UBAC2: variants seen among roughly 807,000 people sequenced by gnomAD.
The protein encoded by UBAC2 is ubiquitin-associated domain-containing protein 2.
A neutral mutation model predicts 44.0 loss-of-function variants in UBAC2; 26 were observed. The ratio of observed to expected loss-of-function variants is 0.59; its 90% CI spans 0.43 to 0.82. The LOEUF (loss-of-function observed/expected upper bound fraction) is 0.82. UBAC2 is among the 40% of genes least tolerant of loss of function. UBAC2 has a pLI of 0.00. For synonymous variants in UBAC2, 155 were observed against 154.3 expected, an observed-to-expected ratio of 1.00 and a Z score of -0.04; for missense variants, 329 against 419.4, an observed-to-expected ratio of 0.78 and a Z score of 1.88.
intron 5 of UBAC2, among the ~76,000 whole-genome samples, chr13:99,316,863 G>A (rs551068997): frequency 2.4e-4 from 37 of 152,268 alleles, no homozygotes; most frequent in South Asian, 4.2e-4. Flanking sequence ...TTAACCACTC[G>A]GTTTTACTGA....
intron 7 of UBAC2, among the ~76,000 whole-genome samples, chr13:99,346,329 C>T (rs929151938): frequency 3.9e-5 from 6 of 152,186 alleles, no homozygotes; most frequent in African/African-American, 1.2e-4. Flanking sequence ...TGAGCCTGCC[C>T]CACAGCCTCC....
intron 8 of UBAC2, among the ~76,000 whole-genome samples, chr13:99,381,709 GAC>G (rs2045554289): frequency 1.3e-5 from 2 of 152,170 alleles, no homozygotes; most frequent in Admixed American, 1.3e-4. Context: ...CCTTCCACAT[GAC>G]ACATATCCAG....
intron 4 of UBAC2, chr13:99,256,538 C>T (rs1011235494): frequency 4.6e-5 from 7 of 152,122 alleles, no homozygotes; most frequent in African/African-American, 1.4e-4. Flanking sequence ...AAGCTAGTGC[C>T]GTTAGTAACT....
At chr13:99,240,594 G>A (rs761257236) in intron 2 of UBAC2, among the ~76,000 whole-genome samples, 1 of 152,042 alleles carries the variant, frequency 6.6e-6, no homozygotes, top group Non-Finnish European at 1.5e-5. Context: ...CATCATCATC[G>A]GACATTGGTA....
chr13:99,280,765 T>C (rs1229552981), intron 4 of UBAC2, among the ~76,000 whole-genome samples: 3 of 152,146 alleles, frequency 2.0e-5, no homozygotes, highest in Non-Finnish European at 4.4e-5. Flanking sequence ...CACTAAATTA[T>C]TGTGTCTCTG....
intron 4 of UBAC2, among the ~76,000 whole-genome samples, chr13:99,308,468 G>A (rs756455854): frequency 6.6e-6 from 1 of 152,106 alleles, no homozygotes; most frequent in Non-Finnish European, 1.5e-5. Flanking sequence ...CATAGCTTTT[G>A]GATCAAAAGA....
chr13:99,320,659 G>C, intron 6 of UBAC2, among the ~76,000 whole-genome samples: 1 of 152,038 alleles, frequency 6.6e-6, no homozygotes, highest in East Asian at 1.9e-4. Flanking sequence ...AAATGTTGGT[G>C]CTTGTTTTGA....
chr13:99,373,396 C>G (rs1305543917), intron 8 of UBAC2, among the ~76,000 whole-genome samples: 1 of 152,124 alleles, frequency 6.6e-6, no homozygotes, highest in Non-Finnish European at 1.5e-5. Context: ...TGGGATTTAA[C>G]AAAAGGAAGA....
intron 4 of UBAC2, among the ~76,000 whole-genome samples, chr13:99,312,072 G>T (rs1047616568): frequency 3.9e-5 from 6 of 152,252 alleles, no homozygotes; most frequent in Non-Finnish European, 7.3e-5. Flanking sequence ...CGTTTGTGTT[G>T]ATAGCAGTTG....
chr13:99,351,928 C>A (rs2045098104), intron 7 of UBAC2: 4 of 357,470 alleles, frequency 1.1e-5, no homozygotes, highest in South Asian at 8.4e-5. Context: ...GCGATACTCA[C>A]ACGTGCTTTC....
chr13:99,355,877 T>C (rs534790317), intron 7 of UBAC2, among the ~76,000 whole-genome samples: 1 of 152,286 alleles, frequency 6.6e-6, no homozygotes, highest in African/African-American at 2.4e-5. Flanking sequence ...GCCATGTGCA[T>C]CCCATGGCTC....
At chr13:99,239,813 C>G (rs2043279793) in intron 2 of UBAC2, among the ~76,000 whole-genome samples, 2 of 152,178 alleles carry the variant, frequency 1.3e-5, no homozygotes, top group Non-Finnish European at 1.5e-5. Context: ...CTTGGGAAAT[C>G]TAAACACACG....
chr13:99,343,618 G>A (rs142687799), intron 7 of UBAC2, among the ~76,000 whole-genome samples: 7 of 152,338 alleles, frequency 4.6e-5, no homozygotes, highest in African/African-American at 7.2e-5. Flanking sequence ...GGGCTTTTAC[G>A]TTGAGTGGTC....
Position 99,233,647 on chromosome 13 carries a change from T to C in UBAC2, c.32-4780T>C, listed in dbSNP as rs962519175. ...AAAGAATGCAACTGATTGTGACACA[T>C]TGACTAAGTAAAAATCCATGAGTGT... On this transcript the variant is annotated intron_variant, in intron 1 of 8. Transcript: ENST00000403766. Among the ~76,000 whole-genome samples, 20 of 152,028 alleles carry C rather than the reference T, an allele frequency of 1.3e-4. 1 individual carries two copies. The highest frequency in any genetic ancestry group is 4.3e-4 in the African/African-American group (18 of 41,394).
chr13:99,248,168 C>T (rs910709401), intron 4 of UBAC2, among the ~76,000 whole-genome samples: 1 of 152,100 alleles, frequency 6.6e-6, no homozygotes, highest in Non-Finnish European at 1.5e-5. Context: ...TCCCAGCTGT[C>T]TATTTCCAAC....
chr13:99,244,840 T>C (rs1434219807), intron 4 of UBAC2, among the ~76,000 whole-genome samples: 1 of 151,120 alleles, frequency 6.6e-6, no homozygotes, highest in Non-Finnish European at 1.5e-5. Flanking sequence ...TATTTTACTT[T>C]TTTTTTTTTT....
chr13:99,361,072 A>G (rs1470768038), intron 7 of UBAC2, among the ~76,000 whole-genome samples: 1 of 152,224 alleles, frequency 6.6e-6, no homozygotes, highest in Non-Finnish European at 1.5e-5. Flanking sequence ...TCTGCTTAAT[A>G]AAATGTCAGA....
At chr13:99,368,518 A>G (rs1049300710) in intron 8 of UBAC2, among the ~76,000 whole-genome samples, 5 of 152,240 alleles carry the variant, frequency 3.3e-5, no homozygotes, top group African/African-American at 7.2e-5. Context: ...TAAAGGTATG[A>G]GTATAGCAAT....
intron 4 of UBAC2, among the ~76,000 whole-genome samples, chr13:99,301,479 A>G (rs180924234): frequency 4.3e-4 from 66 of 152,346 alleles, no homozygotes; most frequent in African/African-American, 1.6e-3. Flanking sequence ...AATATCTTCC[A>G]AAGTATTTTT....
Sources: gnomAD v4.1 joint callset for allele counts (sites outside exome capture counted in the v4.1 genomes callset) on GRCh38, gnomAD v4.1.1 for gene constraint, MANE v1.5 for transcripts, NCBI Gene and HGNC (gene_info 2026-07-23, HGNC 2026-07-21) for gene names.